Variants in ALCAM observed in about 807,000 individuals in gnomAD.
ALCAM encodes CD166 antigen.
In ALCAM, 30 loss-of-function variants were observed where a neutral mutation model predicts 70.9. The ratio of observed to expected loss-of-function variants is 0.42; its 90% CI spans 0.32 to 0.57. The LOEUF (loss-of-function observed/expected upper bound fraction) is 0.57, where lower values mean the gene tolerates loss of function less well. ALCAM is among the 20% of genes least tolerant of loss of function. The pLI is 0.11. For missense variants in ALCAM, 591 were observed against 695.1 expected (o/e 0.85, Z 1.68); for synonymous variants, 249 against 242.5 (o/e 1.03, Z -0.25).
intron 1 of ALCAM, among the ~76,000 whole-genome samples, chr3:105,400,706 G>A (rs181406501): frequency 6.6e-6 from 1 of 152,168 alleles, no homozygotes; most frequent in Non-Finnish European, 1.5e-5. Flanking sequence ...TGGAATGATG[G>A]TAGTTGTGTT....
At chr3:105,370,583 T>C (rs1935199864) in intron 1 of ALCAM, among the ~76,000 whole-genome samples, 1 of 152,192 alleles carries the variant, frequency 6.6e-6, no homozygotes. Flanking sequence ...CAACACTATT[T>C]TTCTAAGGAT....
intron 1 of ALCAM, among the ~76,000 whole-genome samples, chr3:105,455,390 C>G (rs1187628334): frequency 2.0e-5 from 3 of 147,866 alleles, no homozygotes; most frequent in Non-Finnish European, 4.4e-5. Flanking sequence ...TGCAGTGAGC[C>G]GAGAATGCGC....
intron 1 of ALCAM, among the ~76,000 whole-genome samples, chr3:105,381,883 C>G (rs982372753): frequency 2.0e-5 from 3 of 148,202 alleles, no homozygotes; most frequent in Non-Finnish European, 4.6e-5. Context: ...TCTGAATCAA[C>G]TCTTTTTTTT....
intron 1 of ALCAM, among the ~76,000 whole-genome samples, chr3:105,420,226 C>T (rs915057711): frequency 2.6e-5 from 4 of 151,654 alleles, no homozygotes; most frequent in African/African-American, 9.7e-5. Context: ...TCCTCTCTCT[C>T]TTCCTTTCTC....
chr3:105,414,287 G>A (rs377537324), intron 1 of ALCAM, among the ~76,000 whole-genome samples: 9 of 151,694 alleles, frequency 5.9e-5, no homozygotes, highest in African/African-American at 1.5e-4. Flanking sequence ...GTGGTGCTGC[G>A]CACCTATGGT....
intron 1 of ALCAM, among the ~76,000 whole-genome samples, chr3:105,375,241 A>T: frequency 6.6e-6 from 1 of 152,182 alleles, no homozygotes; most frequent in African/African-American, 2.4e-5. Context: ...GTCCTGGTTT[A>T]TGCCTCATGA....
chr3:105,452,902 C>G (rs1937469778), intron 1 of ALCAM, among the ~76,000 whole-genome samples: 1 of 151,140 alleles, frequency 6.6e-6, no homozygotes, highest in South Asian at 2.1e-4. Context: ...TACCCTTTGC[C>G]CGCTTTTTGA....
At chr3:105,505,756 A>T in intron 1 of ALCAM, among the ~76,000 whole-genome samples, 1 of 152,198 alleles carries the variant, frequency 6.6e-6, no homozygotes, top group Admixed American at 6.5e-5. Context: ...TTCTAATCAG[A>T]TGTTTAGCAT....
At chr3:105,539,951 A>G (rs749553113) in intron 6 of ALCAM, 24 bp from the exon 7 acceptor site, 3 of 1,608,576 alleles carry the variant, frequency 1.9e-6, no homozygotes, top group Admixed American at 3.4e-5. Flanking sequence ...AAAAATGGTT[A>G]ACTTGTGTCT....
intron 4 of ALCAM, among the ~76,000 whole-genome samples, chr3:105,532,865 C>G (rs1257207690): frequency 8.5e-5 from 13 of 152,082 alleles, no homozygotes; most frequent in Admixed American, 8.5e-4. Context: ...GGACTTTATT[C>G]TGTTGGCAAA....
At chr3:105,428,535 A>G (rs1442654385) in intron 1 of ALCAM, among the ~76,000 whole-genome samples, 5 of 151,896 alleles carry the variant, frequency 3.3e-5, no homozygotes, top group African/African-American at 9.7e-5. Flanking sequence ...TTTTGTGCCA[A>G]TTTCATGAAT....
intron 1 of ALCAM, among the ~76,000 whole-genome samples, chr3:105,471,470 A>G (rs566037390): frequency 6.6e-6 from 1 of 151,378 alleles, no homozygotes; most frequent in East Asian, 1.9e-4. Flanking sequence ...TGGTGTGGAG[A>G]GCTTCCACGT....
intron 1 of ALCAM, among the ~76,000 whole-genome samples, chr3:105,517,421 G>C (rs886723395): frequency 1.3e-5 from 2 of 152,004 alleles, no homozygotes. Flanking sequence ...TGTTCGTCCT[G>C]CTCTTCAAAG....
intron 1 of ALCAM, among the ~76,000 whole-genome samples, chr3:105,434,648 A>G (rs1009796784): frequency 5.2e-4 from 79 of 152,098 alleles, no homozygotes; most frequent in Non-Finnish European, 8.4e-4. Flanking sequence ...GTAGGGATAA[A>G]TTAAATTGTC....
At chr3:105,367,581 C>A in intron 1 of ALCAM, 100 bp downstream of exon 1, 7 of 1,418,596 alleles carry the variant, frequency 4.9e-6, no homozygotes, top group Non-Finnish European at 6.9e-6. Flanking sequence ...TGCGCCCAGG[C>A]GCGTGGTGGA....
chr3:105,459,540 A>G (rs1224947158), intron 1 of ALCAM, among the ~76,000 whole-genome samples: 2 of 152,162 alleles, frequency 1.3e-5, no homozygotes, highest in East Asian at 1.9e-4. Flanking sequence ...TGGCACTACC[A>G]TGGTCCAAGC....
intron 1 of ALCAM, among the ~76,000 whole-genome samples, chr3:105,438,794 GC>G (rs1937108609): frequency 1.3e-5 from 2 of 152,188 alleles, no homozygotes; most frequent in Admixed American, 1.3e-4. Flanking sequence ...GATCTCTTGA[GC>G]CCAGGAGTTT....
intron 1 of ALCAM, among the ~76,000 whole-genome samples, chr3:105,419,227 G>T (rs1010594137): frequency 6.6e-6 from 1 of 151,650 alleles, no homozygotes; most frequent in African/African-American, 2.4e-5. Flanking sequence ...CTACAGTGAG[G>T]CCAAAGGAAT....
At chr3:105,470,132 TACACACACACAC>T (rs35560211) in intron 1 of ALCAM, among the ~76,000 whole-genome samples, 5 of 145,748 alleles carry the variant, frequency 3.4e-5, no homozygotes, top group Non-Finnish European at 6.1e-5. Context: ...GTTATATACA[TACACACACACAC>T]ACACACACAC....
Sources: allele counts gnomAD v4.1 joint callset (sites outside exome capture counted in the v4.1 genomes callset), GRCh38; gene constraint gnomAD v4.1.1; transcripts MANE v1.5; gene names NCBI Gene and HGNC (gene_info 2026-07-23, HGNC 2026-07-21).